The following MED20 variants were observed in gnomAD, a reference collection of about 807,000 sequenced individuals.
The protein encoded by MED20 is mediator of RNA polymerase II transcription subunit 20.
A neutral mutation model predicts 19.7 loss-of-function variants in MED20; 19 were observed. The ratio of observed to expected loss-of-function variants is 0.96; its 90% CI spans 0.67 to 1.42. The LOEUF is 1.42. Among genes scored for constraint, MED20 ranks in the 40% most tolerant of loss-of-function variants. MED20 has a pLI of 0.00. For missense variants in MED20, 225 were observed against 273.0 expected (o/e 0.82, Z 1.24); for synonymous variants, 105 against 104.8 (o/e 1.00, Z -0.01).
rs1454960861 is a variant in MED20 at position 41,914,685 on chromosome 6, C to T, written c.169+2100G>A. 3.3e-5 allele frequency among the ~76,000 whole-genome samples: 5 copies of T among 151,518 alleles called. No individual in the cohort carries two copies. In the East Asian group the frequency reaches 7.7e-4, roughly 23 times the overall value. ...AGTGAGCTGTGATCATGCTACTGTA[C>T]AGCCGGGCAACGAAGTGAGACTCTC... On this transcript the variant is annotated intron_variant, in intron 2 of 3. Coordinates refer to ENST00000265350, the MANE Select transcript of MED20 (RefSeq NM_004275.5).
At chr6:41,911,106 C>CA (rs377146036) in intron 2 of MED20, among the ~76,000 whole-genome samples, 186 of 111,728 alleles carry the variant, frequency 1.7e-3, no homozygotes, top group East Asian at 3.2e-3. Context: ...GACTCCATCT[C>CA]AAAAAAAAAA....
At chr6:41,917,066 C>T (rs1228080790) in intron 1 of MED20, 127 bp from the exon 2 acceptor site, 6 of 995,422 alleles carry the variant, frequency 6.0e-6, no homozygotes, top group South Asian at 3.9e-5. Flanking sequence ...CTACTCTGAC[C>T]GTCTCCCAAT....
chr6:41,910,152 A>G (rs994795988), intron 2 of MED20, among the ~76,000 whole-genome samples: 6 of 152,188 alleles, frequency 3.9e-5, no homozygotes, highest in African/African-American at 1.4e-4. Flanking sequence ...AATTTTTAGA[A>G]GTCTAGCCAA....
At chr6:41,918,871 C>G (rs1183749572) in intron 1 of MED20, among the ~76,000 whole-genome samples, 10 of 146,636 alleles carry the variant, frequency 6.8e-5, no homozygotes, top group Admixed American at 1.4e-4. Context: ...GGCGTGAACC[C>G]GGGAAGCGGA....
intron 3 of MED20, among the ~76,000 whole-genome samples, chr6:41,908,169 A>G (rs1384779156): frequency 1.3e-5 from 2 of 152,238 alleles, no homozygotes; most frequent in Non-Finnish European, 2.9e-5. Flanking sequence ...CAGTGTTCAC[A>G]CTGGCCTGAA....
At chr6:41,917,600 G>A (rs1256835254) in intron 1 of MED20, 1 of 365,298 alleles carries the variant, frequency 2.7e-6, no homozygotes, top group African/African-American at 2.1e-5. Flanking sequence ...ACAGTTCTCA[G>A]GATTCTCGCA....
chr6:41,912,664 G>A (rs1221815247), intron 2 of MED20, among the ~76,000 whole-genome samples: 1 of 151,954 alleles, frequency 6.6e-6, no homozygotes, highest in Admixed American at 6.6e-5. Flanking sequence ...GACGACAATC[G>A]TATTTTCTAT....
In MED20 at chr6:41,906,211, A is replaced by G. The variant is rs755283404; in HGVS notation, c.*861T>C. The G allele has an allele frequency of 1.1e-4, 16 of 152,232 alleles. No homozygotes were observed. The highest frequency in any genetic ancestry group is 1.8e-4 in the Non-Finnish European group (12 of 68,038). 9.4% of individuals were successfully genotyped at this position (152,232 alleles called of 1,614,324 possible). A position where few individuals can be genotyped will look rare whatever the true frequency, so the allele number is the denominator to read the frequency against. Reference sequence around the variant, plus strand: ...ACAGTGATCTGAGCAATGCTCAGTCATATCTTTTTTTTAAAATCTGCTCTT... The same window carrying G: ...ACAGTGATCTGAGCAATGCTCAGTCGTATCTTTTTTTTAAAATCTGCTCTT... On this transcript the variant is annotated 3_prime_UTR_variant, in exon 4 of 4. Coordinates refer to ENST00000265350, the MANE Select transcript of MED20 (RefSeq NM_004275.5).
intron 1 of MED20, chr6:41,918,002 G>A: frequency 3.7e-6 from 1 of 271,042 alleles, no homozygotes; most frequent in Non-Finnish European, 8.0e-6. Context: ...TGAATCAAAA[G>A]AATGGAACAA....
chr6:41,920,715 G>A, intron 1 of MED20: 1 of 332,460 alleles, frequency 3.0e-6, no homozygotes, highest in East Asian at 4.8e-5. Context: ...GTGTTGCAGT[G>A]AGCCAAGATC....
At position 41,916,828 on chromosome 6, in the gene MED20, G is replaced by A. The variant is rs923195549; in HGVS notation, c.126C>T (p.Asp42=). ...AGGCGGCCGTATGGTAAGTCTCACAGTCCACACAAAATGTTCCTTGCTTCT... is the reference window on the plus strand; with the variant it reads ...AGGCGGCCGTATGGTAAGTCTCACAATCCACACAAAATGTTCCTTGCTTCT... ...GAEKQGTFCV[D]CETYHTAAST... is the part of the protein sequence containing the mutation. The change falls in exon 2 of 4, where the codon GAC becomes GAT. Residue 42 remains aspartate, a synonymous_variant. Transcript: ENST00000265350. The A allele has an allele frequency of 1.9e-6, 3 of 1,614,110 alleles. No individual in the cohort carries two copies. The highest frequency in any genetic ancestry group is 2.5e-6 in the Non-Finnish European group (3 of 1,180,000).
At chr6:41,916,167 G>C (rs1328478653) in intron 2 of MED20, among the ~76,000 whole-genome samples, 1 of 151,592 alleles carries the variant, frequency 6.6e-6, no homozygotes, top group Non-Finnish European at 1.5e-5. Context: ...AGGATCACTT[G>C]AGCCCAAGGG....
chr6:41,918,046 C>T (rs1016694196), intron 1 of MED20: 20 of 274,194 alleles, frequency 7.3e-5, no homozygotes, highest in African/African-American at 3.8e-4. Context: ...AAGGTTTCCT[C>T]CTATGGTGAG....
Position 41,909,406 on chromosome 6 carries a change from C to G in MED20, c.286G>C (p.Val96Leu). Residue 96 changes from valine to leucine, a missense_variant, in exon 3 of 4, where the codon GTG (valine) becomes CTG (leucine). Val to Leu is a conservative substitution (Grantham distance 32, BLOSUM62 1). Coordinates refer to ENST00000265350, the MANE Select transcript of MED20 (RefSeq NM_004275.5). ...IADTNFDVLM[V>L]KLKGFFQSAK... ...CTCTGGAAAAAGCCCTTGAGCTTCA[C>G]CATAAGCACATCAAAGTTGGTGTCA... The G allele has an allele frequency of 1.2e-6, 2 of 1,614,218 alleles. No individual in the cohort carries two copies. Among genetic ancestry groups the G allele is most frequent in the African/African-American group, 2.7e-5 (2 of 75,048 alleles).
rs781628824 is a variant in MED20 at position 41,907,179 on chromosome 6, T to C, written c.532A>G (p.Asn178Asp). 1.5e-5 allele frequency: 24 copies of C among 1,613,844 alleles called. No individual in the cohort carries two copies. In the South Asian group the frequency reaches 2.6e-4, roughly 18 times the overall value. ...HTPGAPAVFG[N>D]RHDAVYGPAD... ...GGGCCGTAGACCGCATCATGTCTGTTCCCAAACACTGCGGGAGCCCCTGGT... is the reference window on the plus strand; with the variant it reads ...GGGCCGTAGACCGCATCATGTCTGTCCCCAAACACTGCGGGAGCCCCTGGT... The change falls in exon 4 of 4, where the codon AAC becomes GAC. Residue 178 changes from asparagine to aspartate, a missense_variant. By Grantham distance (23) the Asn-to-Asp change is conservative (BLOSUM62 1). Transcript: ENST00000265350.
rs751502485 is a variant in MED20 at position 41,909,475 on chromosome 6, A to G, written c.217T>C (p.Leu73=). ...MYVMHNSEYP[L]SCFALFENGP... is the part of the protein sequence containing the mutation. ...TTCTCAAAGAGGGCGAAACAGCTCA[A>G]TGGGTACTCTGAGTTGTGCATCACA... The change falls in exon 3 of 4, where the codon TTG becomes CTG. Residue 73 remains leucine, a synonymous_variant. Transcript: ENST00000265350. 3.1e-6 allele frequency: 5 copies of G among 1,614,130 alleles called. No individual in the cohort carries two copies. The highest frequency in any genetic ancestry group is 3.3e-5 in the Admixed American group (2 of 60,010).
intron 3 of MED20, among the ~76,000 whole-genome samples, chr6:41,907,809 C>T (rs1429895531): frequency 6.6e-6 from 1 of 152,046 alleles, no homozygotes; most frequent in African/African-American, 2.4e-5. Context: ...AAATATACAT[C>T]TTAGGTTTTC....
chr6:41,920,842 G>A (rs1775443951), intron 1 of MED20, 163 bp downstream of exon 1: 4 of 809,832 alleles, frequency 4.9e-6, no homozygotes, highest in African/African-American at 1.8e-5. Flanking sequence ...GCATCTCTGA[G>A]GAAACAAGCC....
At chr6:41,907,423 C>T in intron 3 of MED20, 136 bp from the exon 4 acceptor site, 1 of 761,346 alleles carries the variant, frequency 1.3e-6, no homozygotes, top group Non-Finnish European at 2.1e-6. Context: ...CAGTATTGGT[C>T]CACAGGAAAC....
Sources: allele counts gnomAD v4.1 joint callset (sites outside exome capture counted in the v4.1 genomes callset), GRCh38; gene constraint gnomAD v4.1.1; transcripts MANE v1.5; gene names NCBI Gene and HGNC (gene_info 2026-07-23, HGNC 2026-07-21).